EPS15: variants seen among roughly 807,000 people sequenced by gnomAD.
EPS15 encodes epidermal growth factor receptor substrate 15.
EPS15 carries 72 observed loss-of-function variants against 113.8 expected under a neutral mutation model. The observed-to-expected ratio is 0.63, with a 90% confidence interval of 0.52 to 0.77. The LOEUF is 0.77. EPS15 is among the 30% of genes least tolerant of loss of function. The probability of loss-of-function intolerance (pLI) is 0.00; values close to 1 mark genes in which losing one functional copy is unlikely to be tolerated. For missense variants in EPS15, 1,048 were observed against 1,045.8 expected (o/e 1.00, Z -0.03); for synonymous variants, 344 against 363.4 (o/e 0.95, Z 0.61).
chr1:51,435,806 A>C (rs1465503819), intron 12 of EPS15, among the ~76,000 whole-genome samples: 1 of 152,184 alleles, frequency 6.6e-6, no homozygotes, highest in East Asian at 1.9e-4. Flanking sequence ...TACTACAATA[A>C]ACGAATAAAG....
chr1:51,384,287 TTTC>T (rs1557785308), intron 21 of EPS15, among the ~76,000 whole-genome samples: 1 of 129,432 alleles, frequency 7.7e-6, no homozygotes, highest in Non-Finnish European at 1.6e-5. Context: ...TCTTTTTCTT[TTTC>T]TTTCTTTCTT....
At chr1:51,406,513 C>A (rs1649145624) in intron 15 of EPS15, among the ~76,000 whole-genome samples, 2 of 152,090 alleles carry the variant, frequency 1.3e-5, no homozygotes, top group African/African-American at 4.8e-5. Flanking sequence ...TAGACTTGGT[C>A]TAGGATACAT....
chr1:51,357,403 T>A (rs1422110734), intron 24 of EPS15, among the ~76,000 whole-genome samples: 66 of 51,064 alleles, frequency 1.3e-3, no homozygotes, highest in African/African-American at 5.6e-3. Context: ...TATATATATA[T>A]ATATATATAT....
At chr1:51,463,461 T>C (rs1189088282) in intron 7 of EPS15, 1 of 408,066 alleles carries the variant, frequency 2.5e-6, no homozygotes, top group East Asian at 4.0e-5. Flanking sequence ...ATGTAATTCA[T>C]TTCAACCACT....
intron 12 of EPS15, among the ~76,000 whole-genome samples, chr1:51,438,894 CAA>C (rs1652368154): frequency 6.6e-6 from 1 of 151,404 alleles, no homozygotes. Context: ...TGAGTAAGGA[CAA>C]AATTAAACTA....
At position 51,472,884 on chromosome 1, in the gene EPS15, C is replaced by T. The variant is rs1655340574; in HGVS notation, c.140G>A (p.Gly47Glu). 1 of 1,613,396 alleles carries T rather than the reference C, an allele frequency of 6.2e-7. No homozygotes were observed. ...SDAAAFLKKS[G>E]LPDLILGKIW... ...CTTTCCAAGTATCAAGTCTGGAAGC[C>T]CTGATTTTTTCAGGAAAGCAGCAGC... Residue 47 changes from glycine (G) to glutamate (E), a missense_variant, in exon 3 of 25, where the codon GGG (glycine) becomes GAG (glutamate). Transcript: ENST00000371733.
At chr1:51,508,994 A>T (rs1019337216) in intron 1 of EPS15, among the ~76,000 whole-genome samples, 2 of 152,212 alleles carry the variant, frequency 1.3e-5, no homozygotes, top group African/African-American at 4.8e-5. Flanking sequence ...CAAAAGTTTC[A>T]TCATAATCAC....
chr1:51,515,686 T>C (rs1644702566), intron 1 of EPS15, among the ~76,000 whole-genome samples: 1 of 152,132 alleles, frequency 6.6e-6, no homozygotes, highest in Non-Finnish European at 1.5e-5. Context: ...ATGGCTTATA[T>C]CCTCAAGAGG....
rs552470564 is a variant in EPS15, at chr1:51,430,159, T to C, written c.1041-8301A>G. Among the ~76,000 whole-genome samples the C allele has an allele frequency of 5.2e-4, 79 of 152,326 alleles. 3 individuals carry two copies. The South Asian group carries it at 0.016, about 30-fold the overall frequency. On this transcript the variant is annotated intron_variant, in intron 12 of 24. Coordinates refer to ENST00000371733, the MANE Select transcript of EPS15 (RefSeq NM_001981.3). ...TAAAACACCCTGACTCTGCTTATCT[T>C]AGGAACTGTCAGAAGCCTTGAGCTA... is the stretch of plus-strand genomic sequence containing the variant.
intron 3 of EPS15, among the ~76,000 whole-genome samples, chr1:51,471,996 G>A (rs1655273124): frequency 6.6e-6 from 1 of 151,412 alleles, no homozygotes; most frequent in Non-Finnish European, 1.5e-5. Context: ...AAATTATGAG[G>A]GTTCTTTTAT....
At chr1:51,372,703 C>A (rs777982423) in intron 21 of EPS15, 2 of 406,200 alleles carry the variant, frequency 4.9e-6, no homozygotes, top group Admixed American at 3.2e-5. Context: ...GATGATGGTG[C>A]TCCAACCTCA....
At position 51,421,876 on chromosome 1, in the gene EPS15, A is replaced by C. The variant is rs1166433772; in HGVS notation, c.1041-18T>G. The C allele has an allele frequency of 6.2e-7, 1 of 1,611,374 alleles. No homozygotes were observed. The highest frequency in any genetic ancestry group is 8.5e-7 in the Non-Finnish European group (1 of 1,178,330). On this transcript the variant is annotated intron_variant, in intron 12 of 24. Coordinates refer to ENST00000371733, the MANE Select transcript of EPS15 (RefSeq NM_001981.3). ...TCTTTTCCCTAGAAGACCAGCAAACAATGCAAGAATATTTTAGAACATCAG... is the reference window on the plus strand; with the variant it reads ...TCTTTTCCCTAGAAGACCAGCAAACCATGCAAGAATATTTTAGAACATCAG...
intron 2 of EPS15, 77 bp downstream of exon 2, chr1:51,481,196 A>T (rs1644014404): frequency 2.6e-6 from 2 of 782,394 alleles, no homozygotes; most frequent in Non-Finnish European, 4.6e-6. Context: ...GCTAGCTGGT[A>T]ATCTACAGGC....
At chr1:51,375,390 T>C (rs1438935800) in intron 21 of EPS15, among the ~76,000 whole-genome samples, 1 of 152,242 alleles carries the variant, frequency 6.6e-6, no homozygotes, top group Non-Finnish European at 1.5e-5. Flanking sequence ...AAAAATTTAC[T>C]GGCATGTTTT....
At chr1:51,510,170 A>C (rs1200678244) in intron 1 of EPS15, among the ~76,000 whole-genome samples, 1 of 152,190 alleles carries the variant, frequency 6.6e-6, no homozygotes, top group African/African-American at 2.4e-5. Context: ...TTATTATCCC[A>C]CTATTGACCT....
intron 12 of EPS15, among the ~76,000 whole-genome samples, chr1:51,433,284 C>A (rs1036330182): frequency 1.3e-5 from 2 of 152,138 alleles, no homozygotes; most frequent in African/African-American, 4.8e-5. Flanking sequence ...GTGCTGAACT[C>A]GGTGTTGGGG....
intron 12 of EPS15, among the ~76,000 whole-genome samples, chr1:51,427,569 G>C (rs1270203633): frequency 2.0e-5 from 3 of 152,184 alleles, no homozygotes; most frequent in Admixed American, 2.0e-4. Flanking sequence ...ATGGGAACTT[G>C]ACTCTCCCTG....
chr1:51,440,526 GTATTGCATATTTTA>G, intron 11 of EPS15, 94 bp from the exon 12 acceptor site: 1 of 472,732 alleles, frequency 2.1e-6, no homozygotes, highest in South Asian at 4.7e-5. Context: ...CAGATATAAG[GTATTGCATATTTTA>G]CTGTATTACT....
At chr1:51,473,599 C>G (rs757345228) in intron 2 of EPS15, among the ~76,000 whole-genome samples, 4 of 149,494 alleles carry the variant, frequency 2.7e-5, no homozygotes, top group Admixed American at 6.6e-5. Context: ...AACAAACAAA[C>G]AACAACAACA....
Sources: allele counts gnomAD v4.1 joint callset (sites outside exome capture counted in the v4.1 genomes callset), GRCh38; gene constraint gnomAD v4.1.1; transcripts MANE v1.5; gene names NCBI Gene and HGNC (gene_info 2026-07-23, HGNC 2026-07-21).